DGLUCY: variants seen among roughly 807,000 people sequenced by gnomAD.
DGLUCY encodes the protein D-glutamate cyclase, mitochondrial.
Under a neutral mutation model 58.5 loss-of-function variants are expected in DGLUCY, and 58 were observed. That is an observed-to-expected ratio of 0.99 (90% CI 0.80 to 1.23). DGLUCY has a LOEUF of 1.23. Ranked by LOEUF, DGLUCY falls within the 50% of genes most tolerant of loss-of-function variation. The pLI, the probability that DGLUCY is intolerant of heterozygous loss-of-function variation, is 0.00. For synonymous variants in DGLUCY, 325 were observed against 314.1 expected (o/e 1.03, Z -0.37); for missense variants, 779 against 784.7 (o/e 0.99, Z 0.09).
chr14:91,145,745 T>A (rs2046982299), intron 1 of DGLUCY, among the ~76,000 whole-genome samples: 1 of 152,184 alleles, frequency 6.6e-6, no homozygotes, highest in African/African-American at 2.4e-5. Flanking sequence ...AAAGCTTTTT[T>A]GAAGCAGGTG....
At position 91,160,355 on chromosome 14, in the gene DGLUCY, C is replaced by G; in HGVS notation, c.61C>G (p.Gln21Glu). 2.0e-6 allele frequency: 3 copies of G among 1,513,680 alleles called. No homozygotes were observed. Among genetic ancestry groups the G allele is most frequent in the Non-Finnish European group, 2.7e-6 (3 of 1,128,558 alleles). 93.8% of individuals were successfully genotyped at this position (1,513,680 alleles called of 1,614,324 possible). Residue 21 changes from glutamine to glutamate, a missense_variant, in exon 3 of 14, where the codon CAA becomes GAA. Physicochemically the swap from Gln to Glu is conservative, Grantham distance 29. Transcript: ENST00000256324. ...LPSAIRSLIL[Q>E]KKPNIRNTSS... The stretch of plus-strand genomic sequence containing the variant: ...CTCTGCCATAAGGAGTTTGATTCTA[C>G]AAAAGAAACCAAACATCAGAAATAC...
At chr14:91,097,865 A>T (rs1215110735) in intron 1 of DGLUCY, among the ~76,000 whole-genome samples, 1 of 152,000 alleles carries the variant, frequency 6.6e-6, no homozygotes, top group Non-Finnish European at 1.5e-5. Flanking sequence ...CCAAATGTTA[A>T]TTACTCATTT....
intron 1 of DGLUCY, among the ~76,000 whole-genome samples, chr14:91,072,113 A>G (rs1019971661): frequency 1.3e-5 from 2 of 152,058 alleles, no homozygotes; most frequent in African/African-American, 4.8e-5. Context: ...GCTTGAGCCC[A>G]CGAGTTCAAG....
chr14:91,158,531 A>T (rs2047789956), intron 2 of DGLUCY, among the ~76,000 whole-genome samples: 1 of 152,196 alleles, frequency 6.6e-6, no homozygotes, highest in Admixed American at 6.5e-5. Context: ...TTTTCTATCT[A>T]GGAGATTAGA....
intron 1 of DGLUCY, among the ~76,000 whole-genome samples, chr14:91,089,014 A>T (rs1340847402): frequency 6.6e-6 from 1 of 152,210 alleles, no homozygotes; most frequent in Non-Finnish European, 1.5e-5. Context: ...CACAGGGCCC[A>T]CTCAATAAAT....
chr14:91,093,595 C>A (rs918261324), intron 1 of DGLUCY, among the ~76,000 whole-genome samples: 2 of 151,900 alleles, frequency 1.3e-5, no homozygotes, highest in Non-Finnish European at 2.9e-5. Flanking sequence ...TGCTTGAGAC[C>A]AGGAGTTTGA....
intron 7 of DGLUCY, among the ~76,000 whole-genome samples, chr14:91,179,118 C>G (rs2049018312): frequency 6.6e-6 from 1 of 152,206 alleles, no homozygotes; most frequent in African/African-American, 2.4e-5. Context: ...GCGCAAGGCC[C>G]TCTGTGGGAT....
chr14:91,079,254 G>T, intron 1 of DGLUCY, among the ~76,000 whole-genome samples: 1 of 151,698 alleles, frequency 6.6e-6, no homozygotes, highest in Non-Finnish European at 1.5e-5. Context: ...CATTCTGAGC[G>T]CAATATTATA....
intron 2 of DGLUCY, 130 bp from the exon 3 acceptor site, chr14:91,160,136 C>A: frequency 1.5e-6 from 1 of 676,872 alleles, no homozygotes. Context: ...ATGCCCACCA[C>A]AAGGCAGGCC....
intron 1 of DGLUCY, among the ~76,000 whole-genome samples, chr14:91,074,881 T>C (rs1364982609): frequency 6.6e-6 from 1 of 152,150 alleles, no homozygotes; most frequent in South Asian, 2.1e-4. Flanking sequence ...AAGACCAGCC[T>C]GACCAACATG....
intron 4 of DGLUCY, 106 bp downstream of exon 4, chr14:91,167,484 C>T (rs931955234): frequency 2.1e-6 from 3 of 1,412,566 alleles, no homozygotes; most frequent in East Asian, 4.6e-5. Context: ...GGGACCTTCA[C>T]AGTGCCTGGC....
chr14:91,067,080 CAAAAAA>C (rs778098019), intron 1 of DGLUCY, among the ~76,000 whole-genome samples: 17 of 71,032 alleles, frequency 2.4e-4, no homozygotes, highest in African/African-American at 8.5e-4. Context: ...GACTCCATCT[CAAAAAA>C]AAAAAAAAAA....
At position 91,175,929 on chromosome 14, in the gene DGLUCY, T is replaced by G; in HGVS notation, c.608-5T>G. On this transcript the variant is annotated splice_region_variant and splice_polypyrimidine_tract_variant and intron_variant, in intron 6 of 13. Transcript: ENST00000256324. ...GGAAATTACATTTTCCTTTTCCATC[T>G]GCAGAACTGTTGGGAATCAAAGAGC... The G allele has an allele frequency of 6.2e-7, 1 of 1,613,620 alleles. No individual in the cohort carries two copies. Among genetic ancestry groups the G allele is most frequent in the Non-Finnish European group, 8.5e-7 (1 of 1,179,614 alleles).
At chr14:91,111,876 C>A (rs1358483497), upstream of DGLUCY, among the ~76,000 whole-genome samples, 1 of 152,164 alleles carries the variant, frequency 6.6e-6, no homozygotes, top group African/African-American at 2.4e-5. Flanking sequence ...GTGTATGTAT[C>A]ACATGTTGTT....
At chr14:91,068,688 C>G (rs186525715) in intron 1 of DGLUCY, among the ~76,000 whole-genome samples, 1 of 152,036 alleles carries the variant, frequency 6.6e-6, no homozygotes, top group Admixed American at 6.6e-5. Flanking sequence ...TAAAATAAAA[C>G]AAAATAAAGA....
intron 7 of DGLUCY, among the ~76,000 whole-genome samples, chr14:91,178,193 G>T (rs1425165834): frequency 2.6e-5 from 4 of 151,686 alleles, no homozygotes; most frequent in East Asian, 1.9e-4. Context: ...TTGAGACAAG[G>T]TCTCGCTCTG....
chr14:91,073,209 G>A (rs2043952554), intron 1 of DGLUCY, among the ~76,000 whole-genome samples: 1 of 152,164 alleles, frequency 6.6e-6, no homozygotes, highest in African/African-American at 2.4e-5. Context: ...GAGAGGCTGA[G>A]GCGGATGGAT....
At chr14:91,079,635 C>T (rs894728493) in intron 1 of DGLUCY, among the ~76,000 whole-genome samples, 5 of 152,016 alleles carry the variant, frequency 3.3e-5, no homozygotes, top group Admixed American at 2.6e-4. Context: ...CACTAATTTC[C>T]TAACAAATCA....
chr14:91,101,967 A>G (rs2140084218), intron 1 of DGLUCY, among the ~76,000 whole-genome samples: 2 of 152,282 alleles, frequency 1.3e-5, no homozygotes, highest in Middle Eastern at 6.8e-3. Context: ...TGTTGAAATT[A>G]GAGGCGTGAA....
Sources: allele counts gnomAD v4.1 joint callset (sites outside exome capture counted in the v4.1 genomes callset), GRCh38; gene constraint gnomAD v4.1.1; transcripts MANE v1.5; gene names NCBI Gene and HGNC (gene_info 2026-07-23, HGNC 2026-07-21).